The following CACNA2D3 variants were observed in gnomAD, a reference collection of about 807,000 sequenced individuals.
CACNA2D3 encodes the protein voltage-dependent calcium channel subunit alpha-2/delta-3.
Under a neutral mutation model 160.6 loss-of-function variants are expected in CACNA2D3, and 60 were observed. The ratio of observed to expected loss-of-function variants is 0.37; its 90% CI spans 0.30 to 0.46. The LOEUF (loss-of-function observed/expected upper bound fraction) is 0.46, where lower values mean the gene tolerates loss of function less well. CACNA2D3 is among the 20% of genes least tolerant of loss of function. CACNA2D3 has a pLI of 1.00. For synonymous variants in CACNA2D3, 558 were observed against 492.9 expected, an observed-to-expected ratio of 1.13 and a Z score of -1.75; for missense variants, 1,205 against 1,365.0, an observed-to-expected ratio of 0.88 and a Z score of 1.85.
chr3:54,889,673 G>A (rs1210742851), intron 24 of CACNA2D3, among the ~76,000 whole-genome samples: 1 of 152,170 alleles, frequency 6.6e-6, no homozygotes, highest in Admixed American at 6.5e-5. Context: ...ATGTCAGGTA[G>A]GCTGTTTAGT....
At chr3:54,985,680 T>C (rs1009940001) in intron 30 of CACNA2D3, among the ~76,000 whole-genome samples, 2 of 152,236 alleles carry the variant, frequency 1.3e-5, no homozygotes, top group African/African-American at 4.8e-5. Context: ...TAAAATTCTT[T>C]AGTAGTCAGC....
intron 9 of CACNA2D3, among the ~76,000 whole-genome samples, chr3:54,587,254 G>A (rs962354397): frequency 8.9e-6 from 1 of 112,028 alleles, no homozygotes; most frequent in African/African-American, 3.9e-5. Context: ...CCTCTACCAA[G>A]ACTGATAAAA....
chr3:54,763,327 A>G (rs1375825395), intron 12 of CACNA2D3, among the ~76,000 whole-genome samples: 1 of 152,120 alleles, frequency 6.6e-6, no homozygotes, highest in Non-Finnish European at 1.5e-5. Context: ...TGCATCGGTC[A>G]TCTTATCTTT....
intron 3 of CACNA2D3, among the ~76,000 whole-genome samples, chr3:54,383,314 G>A (rs867657510): frequency 4.6e-5 from 7 of 152,202 alleles, no homozygotes; most frequent in Non-Finnish European, 4.4e-5. Flanking sequence ...AGCTGAGCCT[G>A]TTTTGGGAGG....
intron 35 of CACNA2D3, among the ~76,000 whole-genome samples, chr3:55,067,378 T>C (rs914655401): frequency 6.6e-6 from 1 of 152,228 alleles, no homozygotes; most frequent in African/African-American, 2.4e-5. Context: ...TTTGAACCTC[T>C]GCTCTGCCCC....
intron 5 of CACNA2D3, among the ~76,000 whole-genome samples, chr3:54,541,084 T>C (rs1176054262): frequency 1.3e-5 from 2 of 151,930 alleles, no homozygotes; most frequent in Admixed American, 1.3e-4. Flanking sequence ...GAGACCATCC[T>C]GGCTAACATG....
chr3:54,356,824 C>G (rs886532746), intron 3 of CACNA2D3, among the ~76,000 whole-genome samples: 4 of 152,156 alleles, frequency 2.6e-5, no homozygotes, highest in Admixed American at 2.6e-4. Context: ...AAAACACTTT[C>G]AGGAATGATA....
chr3:54,151,407 A>G (rs1370081497), intron 2 of CACNA2D3, among the ~76,000 whole-genome samples: 1 of 150,758 alleles, frequency 6.6e-6, no homozygotes, highest in Non-Finnish European at 1.5e-5. Context: ...AGGTAGAGGG[A>G]TGGATAGTTG....
chr3:55,049,629 C>T (rs1704142296), intron 35 of CACNA2D3, among the ~76,000 whole-genome samples: 1 of 148,512 alleles, frequency 6.7e-6, no homozygotes, highest in Admixed American at 6.7e-5. Context: ...CCGCTTGGTG[C>T]AGAGCTGAGT....
intron 2 of CACNA2D3, among the ~76,000 whole-genome samples, chr3:54,201,709 T>C (rs1293990289): frequency 6.6e-6 from 1 of 152,228 alleles, no homozygotes; most frequent in African/African-American, 2.4e-5. Context: ...CAAATGTGTA[T>C]TTGATTTTCA....
At chr3:54,968,309 T>A in intron 27 of CACNA2D3, 141 bp from the exon 28 acceptor site, 1 of 616,052 alleles carries the variant, frequency 1.6e-6, no homozygotes, top group Non-Finnish European at 2.9e-6. Context: ...AGATAAAATG[T>A]TTTAGTTGTA....
intron 2 of CACNA2D3, among the ~76,000 whole-genome samples, chr3:54,301,244 G>C (rs1201527256): frequency 6.6e-6 from 1 of 150,384 alleles, no homozygotes; most frequent in Non-Finnish European, 1.5e-5. Flanking sequence ...GCAACAGAGC[G>C]AGATCCTGTC....
chr3:55,053,790 G>T (rs1014751857), intron 35 of CACNA2D3, among the ~76,000 whole-genome samples: 1 of 151,714 alleles, frequency 6.6e-6, no homozygotes, highest in Admixed American at 6.6e-5. Flanking sequence ...TTGCCTTACT[G>T]CACAGGCTGT....
At position 54,750,953 on chromosome 3, in the gene CACNA2D3, G is replaced by A. The variant is rs986110783; in HGVS notation, c.1168-1646G>A. 4.6e-5 allele frequency among the ~76,000 whole-genome samples: 7 copies of A among 152,070 alleles called. No homozygotes were observed. In the South Asian group the frequency reaches 1.2e-3, roughly 27 times the overall value. On this transcript the variant is annotated intron_variant, in intron 11 of 37. Transcript: ENST00000474759. Reference sequence around the variant, plus strand: ...CACAGCTAATTTTTTTGTATTTTTAGTAGAGATGGGGTTTCACCATGTTGG... The same window carrying A: ...CACAGCTAATTTTTTTGTATTTTTAATAGAGATGGGGTTTCACCATGTTGG...
At chr3:54,653,212 T>A (rs1386788404) in intron 11 of CACNA2D3, among the ~76,000 whole-genome samples, 1 of 152,192 alleles carries the variant, frequency 6.6e-6, no homozygotes, top group East Asian at 1.9e-4. Flanking sequence ...ACTCTCCTCA[T>A]CACACCTGAT....
intron 11 of CACNA2D3, among the ~76,000 whole-genome samples, chr3:54,703,916 G>A (rs1302041237): frequency 1.3e-5 from 2 of 152,224 alleles, no homozygotes; most frequent in Non-Finnish European, 2.9e-5. Flanking sequence ...GACTTAATTT[G>A]TAGTTCAGAC....
chr3:54,794,600 G>GAT (rs1278723020), intron 13 of CACNA2D3, among the ~76,000 whole-genome samples: 9 of 141,806 alleles, frequency 6.3e-5, no homozygotes, highest in East Asian at 2.0e-4. Flanking sequence ...AGTTCTCTCA[G>GAT]ATATATTTTT....
intron 12 of CACNA2D3, among the ~76,000 whole-genome samples, chr3:54,753,584 C>T (rs1701909515): frequency 6.6e-6 from 1 of 152,278 alleles, no homozygotes; most frequent in Admixed American, 6.5e-5. Context: ...GTGTTCATGA[C>T]AAATAAACTT....
intron 18 of CACNA2D3, among the ~76,000 whole-genome samples, chr3:54,873,682 A>G (rs1699594220): frequency 6.6e-6 from 1 of 152,192 alleles, no homozygotes; most frequent in Non-Finnish European, 1.5e-5. Context: ...AGAGTTGGAC[A>G]TCTCAAGCAA....
Sources: allele counts gnomAD v4.1 joint callset (sites outside exome capture counted in the v4.1 genomes callset), GRCh38; gene constraint gnomAD v4.1.1; transcripts MANE v1.5; gene names NCBI Gene and HGNC (gene_info 2026-07-23, HGNC 2026-07-21).